Variants in ADGRB1 observed in about 807,000 individuals in gnomAD.
ADGRB1 encodes brain-specific angiogenesis inhibitor 1.
A neutral mutation model predicts 175.7 loss-of-function variants in ADGRB1; 36 were observed. The observed-to-expected ratio is 0.20, with a 90% CI of 0.16 to 0.27. The LOEUF is 0.27. ADGRB1 is among the 10% of genes least tolerant of loss of function. The pLI, the probability that ADGRB1 is intolerant of heterozygous loss-of-function variation, is 1.00. For missense variants in ADGRB1, 1,731 were observed against 2,255.3 expected (o/e 0.77, Z 4.71); for synonymous variants, 1,054 against 979.4 (o/e 1.08, Z -1.42).
At chr8:142,479,565 A>G (rs898168411) in intron 8 of ADGRB1, 78 bp downstream of exon 8, 2 of 1,517,530 alleles carry the variant, frequency 1.3e-6, no homozygotes, top group Admixed American at 2.3e-5. Flanking sequence ...GCTGTCACCC[A>G]CGTGGTGTGT....
chr8:142,484,195 T>C, intron 12 of ADGRB1, 150 bp downstream of exon 12: 1 of 680,558 alleles, frequency 1.5e-6, no homozygotes, highest in Non-Finnish European at 2.5e-6. Flanking sequence ...TTGGCAGCAC[T>C]GAGGAAGCTC....
rs114129532 is a variant in ADGRB1 at position 142,538,536 on chromosome 8, G to A, written c.3667-838G>A. ...CTGATCCCAGGGGGAAGATTTTGTT[G>A]TCTCCATCCAACCCAACCCCTGCAT... On this transcript the variant is annotated intron_variant, in intron 26 of 30. Coordinates refer to ENST00000517894, the MANE Select transcript of ADGRB1 (RefSeq NM_001702.3). Among the ~76,000 whole-genome samples the A allele has an allele frequency of 5.3e-3, 806 of 152,300 alleles. 4 individuals carry two copies. Among genetic ancestry groups the A allele is most frequent in the African/African-American group, 0.018 (768 of 41,550 alleles).
chr8:142,522,172 GT>G, intron 21 of ADGRB1, 57 bp downstream of exon 21: 1 of 1,574,656 alleles, frequency 6.4e-7, no homozygotes, highest in Non-Finnish European at 8.6e-7. Flanking sequence ...CCCACTGCTT[GT>G]TCTGTCCTGG....
intron 2 of ADGRB1, among the ~76,000 whole-genome samples, chr8:142,472,116 C>T (rs1047196820): frequency 3.3e-5 from 5 of 152,206 alleles, no homozygotes; most frequent in Admixed American, 6.5e-5. Context: ...GCACAGCTCT[C>T]CTCCAGAGAA....
chr8:142,470,205 C>T (rs1206660094), intron 2 of ADGRB1, among the ~76,000 whole-genome samples: 2 of 152,238 alleles, frequency 1.3e-5, no homozygotes, highest in Non-Finnish European at 2.9e-5. Flanking sequence ...CCTGCCGGCT[C>T]TCTCTGGCTC....
chr8:142,533,249 T>TGGGGGC, intron 24 of ADGRB1, 46 bp from the exon 25 acceptor site: 1 of 1,455,556 alleles, frequency 6.9e-7, no homozygotes, highest in East Asian at 2.5e-5. Context: ...AGGGTGTCCC[T>TGGGGGC]GGGGGCAGGG....
At chr8:142,498,084 G>A (rs1842308594) in intron 17 of ADGRB1, among the ~76,000 whole-genome samples, 1 of 152,050 alleles carries the variant, frequency 6.6e-6, no homozygotes, top group African/African-American at 2.4e-5. Flanking sequence ...TGGGAACTCT[G>A]GGACCCCATC....
Position 142,543,767 on chromosome 8 carries a change from C to A in ADGRB1, c.4557+59C>A. Reference sequence around the variant, plus strand: ...GCCCTTAGGTCAGGCCACCGTCTCCCTTCTTCCCTGGATTTGTGCACTTCA... The same window carrying A: ...GCCCTTAGGTCAGGCCACCGTCTCCATTCTTCCCTGGATTTGTGCACTTCA... On this transcript the variant is annotated intron_variant, in intron 30 of 30. Coordinates refer to ENST00000517894, the MANE Select transcript of ADGRB1 (RefSeq NM_001702.3). This position sits in a 1 kb window ranked among gnomAD's most constrained non-coding sequence, Gnocchi z 4.4. 1 of 1,440,676 alleles carries A rather than the reference C, an allele frequency of 6.9e-7. No individual in the cohort carries two copies. The highest frequency in any genetic ancestry group is 9.5e-7 in the Non-Finnish European group (1 of 1,048,354). The allele number at this position is 1,440,676 out of a possible 1,614,324, so 89.2% of individuals were successfully genotyped here. A position where few individuals can be genotyped will look rare whatever the true frequency, so the allele number is the denominator to read the frequency against.
rs1452804805 is a variant in ADGRB1 at position 142,514,735 on chromosome 8, C to T, written c.2818-3403C>T. Among the ~76,000 whole-genome samples, 3 of 152,104 alleles carry T rather than the reference C, an allele frequency of 2.0e-5. No homozygotes were observed. The East Asian group carries it at 5.8e-4, about 29-fold the overall frequency. ...CCAGTGTGTGCCCAAGATCAAGACT[C>T]ACAGCCTGACTGGGATCAAGGCTCA... On this transcript the variant is annotated intron_variant, in intron 18 of 30. Coordinates refer to ENST00000517894, the MANE Select transcript of ADGRB1 (RefSeq NM_001702.3).
At chr8:142,520,726 G>C (rs988790404) in intron 19 of ADGRB1, 97 bp from the exon 20 acceptor site, 2 of 987,220 alleles carry the variant, frequency 2.0e-6, no homozygotes, top group South Asian at 2.6e-5. Flanking sequence ...CCTGCAGGAA[G>C]TGGGGTGGGG....
chr8:142,469,555 GTGTGTGAATGTGTGTGCA>G (rs1840511823), intron 2 of ADGRB1, among the ~76,000 whole-genome samples: 1 of 148,302 alleles, frequency 6.7e-6, no homozygotes, highest in African/African-American at 2.5e-5. Context: ...GCACGTGCAT[GTGTGTGAATGTGTGTGCA>G]TGTGTGCATG....
At position 142,479,682 on chromosome 8, in the gene ADGRB1, C is replaced by CCCCTT. The variant is rs764089189; in HGVS notation, c.1727-10_1727-6dup. ...CCCCTTCCTGAACCCCTGTCCCGGG[C>CCCCTT]CCCTTGGCAGAGCCCCATGAGATCT... On this transcript the variant is annotated splice_polypyrimidine_tract_variant and intron_variant, in intron 8 of 30. Coordinates refer to ENST00000517894, the MANE Select transcript of ADGRB1 (RefSeq NM_001702.3). The CCCCTT allele has an allele frequency of 2.5e-6, 4 of 1,610,302 alleles. No homozygotes were observed. The Admixed American group carries it at 6.7e-5, about 27-fold the overall frequency.
At chr8:142,529,720 G>A (rs1844488362) in intron 24 of ADGRB1, among the ~76,000 whole-genome samples, 1 of 150,608 alleles carries the variant, frequency 6.6e-6, no homozygotes, top group Non-Finnish European at 1.5e-5. Flanking sequence ...GCATCTATGT[G>A]TGTGAGTGCA....
chr8:142,538,676 C>T (rs568349299), intron 26 of ADGRB1, among the ~76,000 whole-genome samples: 4 of 152,316 alleles, frequency 2.6e-5, no homozygotes, highest in South Asian at 2.1e-4. Context: ...TCCCTGAGGG[C>T]GGGTCTGGGC....
rs780103167 is a variant in ADGRB1, at chr8:142,481,727, G to C, written c.2130+16G>C. ...GGACGTACAGGTGGGCTCCCCGAGCGGCATTTTGGAAGAGGGTGTCGGGAA... is the reference window on the plus strand; with the variant it reads ...GGACGTACAGGTGGGCTCCCCGAGCCGCATTTTGGAAGAGGGTGTCGGGAA... On this transcript the variant is annotated intron_variant, in intron 11 of 30. Coordinates refer to ENST00000517894, the MANE Select transcript of ADGRB1 (RefSeq NM_001702.3). 1 of 1,512,302 alleles carries C rather than the reference G, an allele frequency of 6.6e-7. No homozygotes were observed. The highest frequency in any genetic ancestry group is 8.9e-7 in the Non-Finnish European group (1 of 1,124,902). The allele number at this position is 1,512,302 out of a possible 1,614,324, so 93.7% of individuals were successfully genotyped here. A position where few individuals can be genotyped will look rare whatever the true frequency, so the allele number is the denominator to read the frequency against.
At chr8:142,533,549 G>A (rs78796157) in intron 25 of ADGRB1, 83 bp downstream of exon 25, 18 of 1,446,398 alleles carry the variant, frequency 1.2e-5, no homozygotes, top group African/African-American at 1.4e-5. Flanking sequence ...CGAGGACCTC[G>A]GCAGGGAGAT....
chr8:142,461,999 C>T (rs1839994467), intron 1 of ADGRB1, among the ~76,000 whole-genome samples: 1 of 152,054 alleles, frequency 6.6e-6, no homozygotes, highest in African/African-American at 2.4e-5. Flanking sequence ...CGCTCCCTCT[C>T]CATGAGATGG....
Position 142,492,083 on chromosome 8 carries a change from C to A in ADGRB1, c.2675+1268C>A, listed in dbSNP as rs905328689. Among the ~76,000 whole-genome samples the A allele has an allele frequency of 5.3e-5, 8 of 152,116 alleles. No individual in the cohort carries two copies. On this transcript the variant is annotated intron_variant, in intron 17 of 30. Coordinates refer to ENST00000517894, the MANE Select transcript of ADGRB1 (RefSeq NM_001702.3). The surrounding 1 kb of genome is among the most constrained non-coding windows in gnomAD (Gnocchi z 4.4). ...CACCTACCCACCACCCATCCACCCTCTCCTCTGTCTGCCTGTTCTTTAATC... is the reference window on the plus strand; with the variant it reads ...CACCTACCCACCACCCATCCACCCTATCCTCTGTCTGCCTGTTCTTTAATC...
intron 27 of ADGRB1, chr8:142,539,785 C>G: frequency 2.9e-6 from 1 of 345,908 alleles, no homozygotes; most frequent in South Asian, 4.3e-5. Flanking sequence ...GTGCCGCTCC[C>G]CCCCCCTGCC....
Sources: allele counts gnomAD v4.1 joint callset (sites outside exome capture counted in the v4.1 genomes callset), GRCh38; gene constraint gnomAD v4.1.1; non-coding constraint Gnocchi (gnomAD v3.1); transcripts MANE v1.5; gene names NCBI Gene and HGNC (gene_info 2026-07-23, HGNC 2026-07-21).